Variants in ACVR1C observed in about 807,000 individuals in gnomAD.
ACVR1C encodes the protein activin receptor type-1C.
A neutral mutation model predicts 57.9 loss-of-function variants in ACVR1C; 23 were observed. That is an observed-to-expected ratio of 0.40 (90% CI 0.29 to 0.56). The LOEUF (loss-of-function observed/expected upper bound fraction) is 0.56, where lower values mean the gene tolerates loss of function less well. ACVR1C is among the 20% of genes least tolerant of loss of function. The pLI, the probability that ACVR1C is intolerant of heterozygous loss-of-function variation, is 0.50. For missense variants in ACVR1C, 480 were observed against 607.9 expected (o/e 0.79, Z 2.21); for synonymous variants, 214 against 215.3 (o/e 0.99, Z 0.05).
At chr2:157,595,116 A>T (rs1366777177) in intron 1 of ACVR1C, among the ~76,000 whole-genome samples, 1 of 152,268 alleles carries the variant, frequency 6.6e-6, no homozygotes, top group African/African-American at 2.4e-5. Flanking sequence ...GACAATTATT[A>T]ATCAACCATA....
intron 3 of ACVR1C, among the ~76,000 whole-genome samples, chr2:157,554,509 G>A (rs1370764443): frequency 6.6e-6 from 1 of 152,042 alleles, no homozygotes; most frequent in Non-Finnish European, 1.5e-5. Flanking sequence ...GCAGTTTGGG[G>A]GTTTTCTTAC....
chr2:157,563,540 C>A (rs897084904), intron 2 of ACVR1C, among the ~76,000 whole-genome samples: 1 of 152,146 alleles, frequency 6.6e-6, no homozygotes, highest in Non-Finnish European at 1.5e-5. Context: ...GGCCATGCTG[C>A]CTAAATTAAT....
At chr2:157,593,538 G>A (rs1681996058) in intron 1 of ACVR1C, among the ~76,000 whole-genome samples, 1 of 152,106 alleles carries the variant, frequency 6.6e-6, no homozygotes, top group Non-Finnish European at 1.5e-5. Context: ...TTGACCTGCT[G>A]AATATGTAAT....
intron 2 of ACVR1C, among the ~76,000 whole-genome samples, chr2:157,579,670 C>T (rs535457908): frequency 1.3e-4 from 20 of 152,256 alleles, no homozygotes; most frequent in Admixed American, 1.1e-3. Context: ...GCCTCACATG[C>T]TTGTATGCTT....
At chr2:157,539,406 C>G (rs1177274194) in intron 7 of ACVR1C, among the ~76,000 whole-genome samples, 1 of 152,092 alleles carries the variant, frequency 6.6e-6, no homozygotes, top group African/African-American at 2.4e-5. Context: ...CAAGAAATCC[C>G]TTATAAAATC....
chr2:157,602,293 AG>A (rs1682296797), intron 1 of ACVR1C, among the ~76,000 whole-genome samples: 1 of 152,230 alleles, frequency 6.6e-6, no homozygotes, highest in African/African-American at 2.4e-5. Flanking sequence ...GAGAAAGAAA[AG>A]CTATCAATAA....
At chr2:157,538,775 A>G (rs1687547980) in intron 7 of ACVR1C, 72 bp from the exon 8 acceptor site, 21 of 1,305,006 alleles carry the variant, frequency 1.6e-5, no homozygotes, top group East Asian at 2.8e-5. Flanking sequence ...AATAATACCA[A>G]TTAAGTTTTC....
intron 7 of ACVR1C, among the ~76,000 whole-genome samples, chr2:157,539,235 C>G (rs900024541): frequency 6.6e-6 from 1 of 151,980 alleles, no homozygotes; most frequent in South Asian, 2.1e-4. Context: ...ATCTTTTTAA[C>G]GTTGGGTTTC....
chr2:157,594,427 G>A (rs754123005), intron 1 of ACVR1C, among the ~76,000 whole-genome samples: 1 of 151,966 alleles, frequency 6.6e-6, no homozygotes, highest in Non-Finnish European at 1.5e-5. Context: ...GAGAATTGGT[G>A]TTGGGTATGT....
intron 1 of ACVR1C, among the ~76,000 whole-genome samples, 196 bp downstream of exon 1, chr2:157,628,376 T>C (rs1338872544): frequency 6.6e-6 from 1 of 152,122 alleles, no homozygotes; most frequent in Non-Finnish European, 1.5e-5. Context: ...CACACCTGTC[T>C]ACCCCTACGG....
intron 5 of ACVR1C, among the ~76,000 whole-genome samples, chr2:157,544,074 T>C (rs1687683657): frequency 6.7e-6 from 1 of 149,084 alleles, no homozygotes; most frequent in South Asian, 2.1e-4. Flanking sequence ...GGTCTCGTTC[T>C]GTCACCCAAA....
intron 1 of ACVR1C, among the ~76,000 whole-genome samples, chr2:157,608,174 T>G (rs1044005461): frequency 3.9e-5 from 6 of 151,936 alleles, no homozygotes; most frequent in African/African-American, 7.2e-5. Context: ...GCCTAGATTA[T>G]TGAGAGTTTT....
intron 1 of ACVR1C, among the ~76,000 whole-genome samples, chr2:157,589,467 C>G (rs1165415736): frequency 6.6e-6 from 1 of 151,794 alleles, no homozygotes; most frequent in Admixed American, 6.6e-5. Flanking sequence ...CAAATATTTT[C>G]TCCCATTCTG....
At chr2:157,607,159 T>C (rs1185081502) in intron 1 of ACVR1C, among the ~76,000 whole-genome samples, 1 of 151,980 alleles carries the variant, frequency 6.6e-6, no homozygotes, top group Non-Finnish European at 1.5e-5. Flanking sequence ...TCTATTCTGT[T>C]TCATTGGTCT....
intron 5 of ACVR1C, among the ~76,000 whole-genome samples, chr2:157,543,084 C>T (rs897966084): frequency 6.6e-6 from 1 of 152,178 alleles, no homozygotes; most frequent in Non-Finnish European, 1.5e-5. Flanking sequence ...TTGTTCATCA[C>T]CATGCCTCTA....
chr2:157,621,057 T>A (rs1682760277), intron 1 of ACVR1C, among the ~76,000 whole-genome samples: 1 of 152,188 alleles, frequency 6.6e-6, no homozygotes, highest in Admixed American at 6.5e-5. Context: ...TTGATCTAAT[T>A]TGGGATGTTT....
At chr2:157,564,307 C>A (rs1026329244) in intron 2 of ACVR1C, among the ~76,000 whole-genome samples, 1 of 152,262 alleles carries the variant, frequency 6.6e-6, no homozygotes, top group African/African-American at 2.4e-5. Flanking sequence ...AGGATATGAA[C>A]AGACACTTCT....
chr2:157,628,563 G>T lies in ACVR1C; in HGVS notation c.73+9C>A, dbSNP rs114245489. Reference sequence around the variant, plus strand: ...CTCGCGGGCGTCGGGAGAGAAACCAGCACCGTACCTGGCGAGAGCTCGGCG... The same window carrying T: ...CTCGCGGGCGTCGGGAGAGAAACCATCACCGTACCTGGCGAGAGCTCGGCG... On this transcript the variant is annotated intron_variant, in intron 1 of 8. Transcript: ENST00000243349. 88,250 of 1,606,438 alleles carry T rather than the reference G, an allele frequency of 0.055. 2,761 individuals carry two copies. Among genetic ancestry groups the T allele is most frequent in the Non-Finnish European group, 0.064 (75,135 of 1,176,802 alleles).
chr2:157,544,625 T>G lies in ACVR1C; in HGVS notation c.776-13A>C. 6.3e-7 allele frequency: 1 copy of G among 1,598,252 alleles called. No individual in the cohort carries two copies. The highest frequency in any genetic ancestry group is 8.5e-7 in the Non-Finnish European group (1 of 1,171,534). On this transcript the variant is annotated splice_polypyrimidine_tract_variant and intron_variant, in intron 4 of 8. Transcript: ENST00000243349. ...CAAGTTCCATTATCTAACAAGAAAA[T>G]GTAATTTTGTTGTTGTAAATACATA...
Sources: gnomAD v4.1 joint callset for allele counts (sites outside exome capture counted in the v4.1 genomes callset) on GRCh38, gnomAD v4.1.1 for gene constraint, MANE v1.5 for transcripts, NCBI Gene and HGNC (gene_info 2026-07-23, HGNC 2026-07-21) for gene names.